Variants in INPP4B observed in about 807,000 individuals in gnomAD.
The protein encoded by INPP4B is inositol polyphosphate-4-phosphatase type II B.
A neutral mutation model predicts 122.5 loss-of-function variants in INPP4B; 55 were observed. The observed-to-expected ratio is 0.45, with a 90% CI of 0.36 to 0.56. The LOEUF is 0.56. INPP4B is among the 20% of genes least tolerant of loss of function. The pLI, the probability that INPP4B is intolerant of heterozygous loss-of-function variation, is 0.00. For missense variants in INPP4B, 1,000 were observed against 1,097.7 expected (o/e 0.91, Z 1.26); for synonymous variants, 403 against 388.7 (o/e 1.04, Z -0.43).
intron 5 of INPP4B, among the ~76,000 whole-genome samples, chr4:142,406,561 G>T (rs1368349531): frequency 6.6e-6 from 1 of 152,170 alleles, no homozygotes; most frequent in Non-Finnish European, 1.5e-5. Context: ...AACAGGCTTG[G>T]TTTTAGTCCA....
At position 142,761,170 on chromosome 4, in the gene INPP4B, A is replaced by ATT. The variant is rs34074117; in HGVS notation, c.-253-35271_-253-35270dup. Among the ~76,000 whole-genome samples the ATT allele has an allele frequency of 9.4e-3, 1,369 of 145,862 alleles. 23 individuals carry two copies. Among genetic ancestry groups the ATT allele is most frequent in the African/African-American group, 0.032 (1,285 of 39,862 alleles). ...TAACTACATTGTCATAAAATAAGCA[A>ATT]TTTTTTTTTTTTTTGCTTTTTGCTA... On this transcript the variant is annotated intron_variant, in intron 1 of 25. Transcript: ENST00000262992.
intron 9 of INPP4B, among the ~76,000 whole-genome samples, chr4:142,292,914 T>C (rs1368264751): frequency 6.6e-6 from 1 of 152,214 alleles, no homozygotes; most frequent in Non-Finnish European, 1.5e-5. Flanking sequence ...AATTAAACTT[T>C]CATTTGATAA....
At chr4:142,288,145 C>G (rs977111146) in intron 9 of INPP4B, among the ~76,000 whole-genome samples, 1 of 152,192 alleles carries the variant, frequency 6.6e-6, no homozygotes, top group Non-Finnish European at 1.5e-5. Context: ...GGAGGGAACA[C>G]AAAAATTCAT....
intron 7 of INPP4B, among the ~76,000 whole-genome samples, chr4:142,360,275 T>C (rs551611685): frequency 3.9e-4 from 59 of 152,112 alleles, no homozygotes; most frequent in African/African-American, 1.4e-3. Flanking sequence ...GTAGCCAATC[T>C]GGCAGATATA....
chr4:142,402,302 T>C (rs1407691205), intron 7 of INPP4B, among the ~76,000 whole-genome samples: 3 of 152,204 alleles, frequency 2.0e-5, no homozygotes, highest in Non-Finnish European at 4.4e-5. Context: ...CATTTTCTCC[T>C]GTCCAAGAAT....
Position 142,605,057 on chromosome 4 carries a change from T to C in INPP4B, c.-191+120782A>G, listed in dbSNP as rs560546690. 7.2e-5 allele frequency among the ~76,000 whole-genome samples: 11 copies of C among 152,080 alleles called. No homozygotes were observed. The East Asian group carries it at 2.1e-3, about 29-fold the overall frequency. On this transcript the variant is annotated intron_variant, in intron 2 of 25. Coordinates refer to ENST00000262992, the MANE Select transcript of INPP4B (RefSeq NM_001101669.3). ...TGGAACAGAACAGAGGAGCCAGAAATAAATCCACATATTTATAGCCAACTG... is the reference window on the plus strand; with the variant it reads ...TGGAACAGAACAGAGGAGCCAGAAACAAATCCACATATTTATAGCCAACTG...
chr4:142,575,209 G>A (rs1336998282), intron 2 of INPP4B, among the ~76,000 whole-genome samples: 4 of 151,656 alleles, frequency 2.6e-5, no homozygotes, highest in East Asian at 1.9e-4. Context: ...AAATCATGAT[G>A]AGAGGCCAAA....
intron 7 of INPP4B, among the ~76,000 whole-genome samples, chr4:142,341,600 A>G (rs549755185): frequency 2.1e-4 from 32 of 152,226 alleles, no homozygotes; most frequent in African/African-American, 6.0e-4. Flanking sequence ...ATTTACTTCT[A>G]ACCTAGACTA....
chr4:142,776,499 C>T (rs1561056448), intron 1 of INPP4B, among the ~76,000 whole-genome samples: 1 of 152,100 alleles, frequency 6.6e-6, no homozygotes, highest in Non-Finnish European at 1.5e-5. Context: ...CTTCAGTGCT[C>T]ATCATTTGCA....
chr4:142,292,317 CTATCCTGAAAGTG>C (rs1276301359), intron 9 of INPP4B, among the ~76,000 whole-genome samples: 3 of 152,142 alleles, frequency 2.0e-5, no homozygotes, highest in African/African-American at 7.2e-5. Context: ...AATCACAGGT[CTATCCTGAAAGTG>C]CTTTAAAAAC....
At chr4:142,758,868 G>A (rs548180535) in intron 1 of INPP4B, among the ~76,000 whole-genome samples, 4 of 151,134 alleles carry the variant, frequency 2.6e-5, no homozygotes, top group African/African-American at 4.9e-5. Context: ...CACGAGACTC[G>A]CTTGAACCCA....
chr4:142,156,720 C>T (rs1303839014), intron 17 of INPP4B, among the ~76,000 whole-genome samples: 2 of 151,900 alleles, frequency 1.3e-5, no homozygotes, highest in African/African-American at 2.4e-5. Flanking sequence ...ATTTTGTCAA[C>T]AAAACAAGTT....
intron 7 of INPP4B, among the ~76,000 whole-genome samples, chr4:142,397,895 A>C (rs962075919): frequency 1.3e-5 from 2 of 152,050 alleles, no homozygotes; most frequent in Non-Finnish European, 2.9e-5. Context: ...ATTGAAATAA[A>C]AGTGCCATAC....
intron 2 of INPP4B, among the ~76,000 whole-genome samples, chr4:142,672,417 T>C (rs1183002576): frequency 1.3e-5 from 2 of 152,080 alleles, no homozygotes; most frequent in Non-Finnish European, 2.9e-5. Context: ...TACAGTGGTT[T>C]TTTGGTGGTG....
At chr4:142,618,249 G>A (rs1744128282) in intron 2 of INPP4B, among the ~76,000 whole-genome samples, 1 of 151,904 alleles carries the variant, frequency 6.6e-6, no homozygotes, top group South Asian at 2.1e-4. Flanking sequence ...AAACTTATAT[G>A]GAACTACAAA....
In INPP4B at chr4:142,720,811, A is replaced by C. The variant is rs1320938140; in HGVS notation, c.-191+5028T>G. Among the ~76,000 whole-genome samples the C allele has an allele frequency of 2.2e-5, 2 of 89,944 alleles. 1 individual carries two copies. The highest frequency in any genetic ancestry group is 4.4e-5 in the Non-Finnish European group (2 of 45,150). 59.0% of individuals were successfully genotyped at this position (89,944 alleles called of 152,430 possible). A position where few individuals can be genotyped will look rare whatever the true frequency, so the allele number is the denominator to read the frequency against. Reference sequence around the variant, plus strand: ...TCTCTCTCTCTCTCTCTCTCTCTCTATATATATATATATATATAGTTTTCT... The same window carrying C: ...TCTCTCTCTCTCTCTCTCTCTCTCTCTATATATATATATATATAGTTTTCT... On this transcript the variant is annotated intron_variant, in intron 2 of 25. Coordinates refer to ENST00000262992, the MANE Select transcript of INPP4B (RefSeq NM_001101669.3).
At chr4:142,805,282 G>A (rs928395341) in intron 1 of INPP4B, among the ~76,000 whole-genome samples, 19 of 152,264 alleles carry the variant, frequency 1.2e-4, no homozygotes, top group African/African-American at 2.4e-4. Flanking sequence ...AAGGATGTCC[G>A]CAATCACTGT....
At chr4:142,113,456 T>A (rs955525606) in intron 21 of INPP4B, among the ~76,000 whole-genome samples, 2 of 152,014 alleles carry the variant, frequency 1.3e-5, no homozygotes. Context: ...TTGTAAGATA[T>A]GCACTGGGGA....
chr4:142,751,630 C>T (rs1419164835), intron 1 of INPP4B, among the ~76,000 whole-genome samples: 1 of 151,988 alleles, frequency 6.6e-6, no homozygotes, highest in African/African-American at 2.4e-5. Context: ...ATATGCCATG[C>T]TCTATTCAAT....
Sources: gnomAD v4.1 joint callset for allele counts (sites outside exome capture counted in the v4.1 genomes callset) on GRCh38, gnomAD v4.1.1 for gene constraint, MANE v1.5 for transcripts, NCBI Gene and HGNC (gene_info 2026-07-23, HGNC 2026-07-21) for gene names.